The following PRELID2 variants were observed in gnomAD, a reference collection of about 807,000 sequenced individuals.
PRELID2 encodes PRELI domain-containing protein 2.
In PRELID2, 25 loss-of-function variants were observed where a neutral mutation model predicts 28.4. The ratio of observed to expected loss-of-function variants is 0.88; its 90% CI spans 0.64 to 1.23. The LOEUF (loss-of-function observed/expected upper bound fraction) is 1.23. PRELID2 is among the 50% of genes most tolerant of loss of function. The probability of loss-of-function intolerance (pLI) is 0.00; values close to 1 mark genes in which losing one functional copy is unlikely to be tolerated. For synonymous variants in PRELID2, 76 were observed against 71.6 expected, an observed-to-expected ratio of 1.06 and a Z score of -0.31; for missense variants, 201 against 214.4, an observed-to-expected ratio of 0.94 and a Z score of 0.39.
At chr5:145,706,306 C>T (rs925004009) in intron 1 of PRELID2, among the ~76,000 whole-genome samples, 4 of 152,156 alleles carry the variant, frequency 2.6e-5, no homozygotes, top group African/African-American at 9.7e-5. Context: ...CATCACAGAA[C>T]CACCTTATGA....
chr5:145,662,462 C>G (rs988515815), intron 1 of PRELID2, among the ~76,000 whole-genome samples: 5 of 151,952 alleles, frequency 3.3e-5, no homozygotes, highest in Non-Finnish European at 7.4e-5. Flanking sequence ...AAGGGCAATG[C>G]TCTTTGGTAA....
chr5:145,425,328 A>C, the PRELID2 span, among the ~76,000 whole-genome samples: 5 of 152,324 alleles, frequency 3.3e-5, no homozygotes, highest in East Asian at 9.6e-4. Flanking sequence ...TTATTCAACT[A>C]TTATAGAAGA....
the PRELID2 span, among the ~76,000 whole-genome samples, chr5:145,250,967 C>T: frequency 6.6e-6 from 1 of 152,058 alleles, no homozygotes; most frequent in Non-Finnish European, 1.5e-5. Context: ...ACACACAGTG[C>T]CTTTGCAATC....
chr5:145,565,404 C>T (rs1171812434), intron 1 of PRELID2, among the ~76,000 whole-genome samples: 1 of 152,206 alleles, frequency 6.6e-6, no homozygotes, highest in Non-Finnish European at 1.5e-5. Context: ...AGTGTCTTTG[C>T]TGCCAACTTG....
downstream of PRELID2, among the ~76,000 whole-genome samples, chr5:145,471,098 G>C (rs969979433): frequency 5.3e-5 from 8 of 152,072 alleles, no homozygotes; most frequent in Non-Finnish European, 1.0e-4. Context: ...TTAGTAATAA[G>C]TGGATAAAAC....
chr5:145,787,547 ATT>A (rs34918986), intron 5 of PRELID2, among the ~76,000 whole-genome samples: 1 of 148,236 alleles, frequency 6.7e-6, no homozygotes, highest in Admixed American at 6.7e-5. Flanking sequence ...AGAGGCAACA[ATT>A]TTTTTTTTTT....
At chr5:145,787,547 A>ATTT (rs34918986) in intron 5 of PRELID2, among the ~76,000 whole-genome samples, 3,582 of 148,310 alleles carry the variant, frequency 0.024, 116 homozygotes, top group African/African-American at 0.08. Flanking sequence ...AGAGGCAACA[A>ATTT]TTTTTTTTTT....
At chr5:145,819,665 T>C in intron 3 of PRELID2, 1 of 567,916 alleles carries the variant, frequency 1.8e-6, no homozygotes, top group Non-Finnish European at 3.1e-6. Context: ...ACAGATTAGA[T>C]AGTCACTTCA....
chr5:145,689,704 A>G (rs1021067293), intron 1 of PRELID2, among the ~76,000 whole-genome samples: 4 of 152,176 alleles, frequency 2.6e-5, no homozygotes, highest in Admixed American at 1.3e-4. Context: ...AAAGGAGATG[A>G]AGCCCACCCA....
At chr5:145,553,772 G>A (rs1214797388) in intron 1 of PRELID2, among the ~76,000 whole-genome samples, 1 of 152,198 alleles carries the variant, frequency 6.6e-6, no homozygotes, top group South Asian at 2.1e-4. Context: ...GAACAGGTTT[G>A]TATTTTAGAA....
At chr5:145,448,223 T>G in the PRELID2 span, among the ~76,000 whole-genome samples, 1 of 151,846 alleles carries the variant, frequency 6.6e-6, no homozygotes, top group Non-Finnish European at 1.5e-5. Flanking sequence ...TGATGGCCAG[T>G]GATGATGAGC....
intron 1 of PRELID2, among the ~76,000 whole-genome samples, chr5:145,692,601 A>G (rs989155624): frequency 2.6e-5 from 4 of 152,230 alleles, no homozygotes; most frequent in Admixed American, 2.0e-4. Flanking sequence ...CACTTTTTAT[A>G]CTACAAAAAA....
At chr5:145,799,384 C>T (rs1752981689) in intron 4 of PRELID2, among the ~76,000 whole-genome samples, 2 of 152,112 alleles carry the variant, frequency 1.3e-5, no homozygotes, top group South Asian at 4.1e-4. Flanking sequence ...CTCATTCATT[C>T]ATTTGTTCAA....
At chr5:145,514,932 G>A (rs1030311470) in intron 1 of PRELID2, among the ~76,000 whole-genome samples, 1 of 152,124 alleles carries the variant, frequency 6.6e-6, no homozygotes, top group East Asian at 1.9e-4. Context: ...AATTAAGGCA[G>A]AAATAAATAA....
At chr5:145,733,041 T>G (rs2149728233) in intron 1 of PRELID2, among the ~76,000 whole-genome samples, 1 of 149,702 alleles carries the variant, frequency 6.7e-6, no homozygotes, top group South Asian at 2.1e-4. Flanking sequence ...AGCCCAGGAG[T>G]TTGAGATCAG....
At chr5:145,390,191 T>C in the PRELID2 span, among the ~76,000 whole-genome samples, 218 of 152,286 alleles carry the variant, frequency 1.4e-3, no homozygotes, top group African/African-American at 5.1e-3. Flanking sequence ...AATATCTCAG[T>C]TGAAGCATGA....
At chr5:145,679,382 A>G (rs149835724) in intron 1 of PRELID2, among the ~76,000 whole-genome samples, 87 of 152,302 alleles carry the variant, frequency 5.7e-4, no homozygotes, top group African/African-American at 2.0e-3. Context: ...TCTTAGCTCA[A>G]ATGTTATCTC....
the PRELID2 span, among the ~76,000 whole-genome samples, chr5:145,331,345 C>T: frequency 6.6e-6 from 1 of 151,962 alleles, no homozygotes; most frequent in Non-Finnish European, 1.5e-5. Flanking sequence ...TTTTCTGTCT[C>T]GTTGATCTAA....
chr5:145,373,951 T>A, the PRELID2 span, among the ~76,000 whole-genome samples: 1 of 143,138 alleles, frequency 7.0e-6, no homozygotes, highest in African/African-American at 2.6e-5. Flanking sequence ...TATATGATAT[T>A]ATATGTTATA....
Sources: allele counts gnomAD v4.1 joint callset (sites outside exome capture counted in the v4.1 genomes callset), GRCh38; gene constraint gnomAD v4.1.1; transcripts MANE v1.5; gene names NCBI Gene and HGNC (gene_info 2026-07-23, HGNC 2026-07-21).